BCAR3: variants seen among roughly 807,000 people sequenced by gnomAD.
BCAR3 encodes BCAR3 adaptor protein, NSP family member, also known as breast cancer anti-estrogen resistance protein 3.
Under a neutral mutation model 80.1 loss-of-function variants are expected in BCAR3, and 37 were observed. The observed-to-expected ratio is 0.46, with a 90% CI of 0.36 to 0.61. BCAR3 has a LOEUF of 0.61. Ranked by LOEUF, BCAR3 falls within the 20% of genes least tolerant of loss-of-function variation. The pLI, the probability that BCAR3 is intolerant of heterozygous loss-of-function variation, is 0.00. For missense variants in BCAR3, 978 were observed against 1,068.2 expected, an observed-to-expected ratio of 0.92 and a Z score of 1.18; for synonymous variants, 389 against 418.9, an observed-to-expected ratio of 0.93 and a Z score of 0.87.
chr1:93,604,957 T>C (rs1674732350), intron 3 of BCAR3, among the ~76,000 whole-genome samples: 1 of 152,202 alleles, frequency 6.6e-6, no homozygotes, highest in Admixed American at 6.5e-5. Context: ...TACCCCTTGA[T>C]AAACATCATT....
chr1:93,820,816 G>C (rs1471030047), intron 2 of BCAR3, among the ~76,000 whole-genome samples: 1 of 152,054 alleles, frequency 6.6e-6, no homozygotes, highest in African/African-American at 2.4e-5. Flanking sequence ...CCCTCTAATC[G>C]TAAGCTTGAT....
intron 3 of BCAR3, among the ~76,000 whole-genome samples, chr1:93,618,154 ATTGAT>A (rs1675196110): frequency 6.6e-6 from 1 of 152,228 alleles, no homozygotes; most frequent in Non-Finnish European, 1.5e-5. Flanking sequence ...TGCAAATCTG[ATTGAT>A]TTCTTGCTCC....
chr1:93,711,452 A>G (rs1161828856), intron 2 of BCAR3, among the ~76,000 whole-genome samples: 1 of 152,192 alleles, frequency 6.6e-6, no homozygotes. Context: ...GAGTTTCAAG[A>G]ATGAGAATGG....
chr1:93,847,898 CG>C, upstream of BCAR3: 1 of 211,216 alleles, frequency 4.7e-6, no homozygotes, highest in South Asian at 5.9e-5. Context: ...CTGAGAAGAG[CG>C]GCGGCGGCGG....
intron 2 of BCAR3, among the ~76,000 whole-genome samples, chr1:93,719,331 C>CTTGTTTTTTT (rs1650301603): frequency 1.4e-5 from 1 of 73,404 alleles, no homozygotes; most frequent in Non-Finnish European, 2.8e-5. Flanking sequence ...TTTAAACTTT[C>CTTGTTTTTTT]TTGTTTTTTT....
At chr1:93,628,668 C>T (rs1675519739) in intron 3 of BCAR3, among the ~76,000 whole-genome samples, 1 of 152,156 alleles carries the variant, frequency 6.6e-6, no homozygotes, top group African/African-American at 2.4e-5. Flanking sequence ...ATTTAATGTC[C>T]CCTTACTCCA....
At chr1:93,743,503 T>C (rs527505300) in intron 2 of BCAR3, among the ~76,000 whole-genome samples, 5 of 152,296 alleles carry the variant, frequency 3.3e-5, no homozygotes, top group African/African-American at 7.2e-5. Context: ...ATTGGGAGGT[T>C]CATAAAAAAT....
Position 93,786,149 on chromosome 1 carries a change from C to T in BCAR3, c.-63+59418G>A, listed in dbSNP as rs530459157. On this transcript the variant is annotated intron_variant, in intron 2 of 13. Coordinates refer to the BCAR3 transcript ENST00000370244. ...CGGAGCTTGCAGTGAGCCGAGATCG[C>T]GCCACTGCACTCCCGCCTGGGCGTC... Among the ~76,000 whole-genome samples the T allele has an allele frequency of 1.1e-3, 114 of 107,656 alleles. 12 individuals are homozygous for T. The highest frequency in any genetic ancestry group is 4.9e-3 in the Middle Eastern group (1 of 204). 70.6% of individuals were successfully genotyped at this position (107,656 alleles called of 152,430 possible). A position where few individuals can be genotyped will look rare whatever the true frequency, so the allele number is the denominator to read the frequency against.
intron 2 of BCAR3, among the ~76,000 whole-genome samples, chr1:93,774,310 C>A (rs1208417407): frequency 6.6e-6 from 1 of 151,966 alleles, no homozygotes; most frequent in Non-Finnish European, 1.5e-5. Flanking sequence ...ATGGTGAAAC[C>A]TTGCCTCTGC....
chr1:93,594,034 T>C (rs1055005132), intron 3 of BCAR3, among the ~76,000 whole-genome samples: 5 of 152,216 alleles, frequency 3.3e-5, no homozygotes, highest in Non-Finnish European at 7.3e-5. Flanking sequence ...ATCATTAATA[T>C]TGTACGGCTT....
In BCAR3 at chr1:93,592,161, G is replaced by A; in HGVS notation, c.486+104C>T. 6.7e-7 allele frequency: 1 copy of A among 1,496,720 alleles called. No homozygotes were observed. Among genetic ancestry groups the A allele is most frequent in the South Asian group, 1.2e-5 (1 of 82,142 alleles). 92.7% of individuals were successfully genotyped at this position (1,496,720 alleles called of 1,614,324 possible). A position where few individuals can be genotyped will look rare whatever the true frequency, so the allele number is the denominator to read the frequency against. ...TAGAGTATTTGTTTTTGGTTACACA[G>A]GTGCTTCCGCCCATGTGGCCTCGGA... is the stretch of plus-strand genomic sequence containing the variant. On this transcript the variant is annotated intron_variant, in intron 4 of 11. Transcript: ENST00000260502. This position sits in a 1 kb window ranked among gnomAD's most constrained non-coding sequence, Gnocchi z 4.8.
chr1:93,637,688 C>T (rs993510781), intron 3 of BCAR3, among the ~76,000 whole-genome samples: 1 of 152,160 alleles, frequency 6.6e-6, no homozygotes, highest in African/African-American at 2.4e-5. Flanking sequence ...TATGATCCAT[C>T]ATGACCTTGG....
At chr1:93,566,401 T>C (rs986738228) in intron 11 of BCAR3, among the ~76,000 whole-genome samples, 1 of 152,206 alleles carries the variant, frequency 6.6e-6, no homozygotes, top group Non-Finnish European at 1.5e-5. Context: ...TCCCACAGTA[T>C]ACACTGCATT....
chr1:93,822,229 G>A (rs996082841), intron 2 of BCAR3, among the ~76,000 whole-genome samples: 10 of 150,958 alleles, frequency 6.6e-5, no homozygotes, highest in Non-Finnish European at 1.2e-4. Context: ...CCAGGATGGA[G>A]TGCAGTGGTG....
intron 2 of BCAR3, among the ~76,000 whole-genome samples, chr1:93,727,938 G>C (rs974157307): frequency 1.2e-4 from 19 of 152,186 alleles, no homozygotes; most frequent in African/African-American, 4.3e-4. Context: ...CCTTAGAAGA[G>C]ACAGGGCAAG....
intron 2 of BCAR3, among the ~76,000 whole-genome samples, chr1:93,813,265 C>T (rs565387662): frequency 6.6e-6 from 1 of 152,242 alleles, no homozygotes; most frequent in South Asian, 2.1e-4. Flanking sequence ...AATCTATTAT[C>T]AGGTAAGCTT....
At chr1:93,821,943 T>C (rs1654236647) in intron 2 of BCAR3, among the ~76,000 whole-genome samples, 1 of 152,212 alleles carries the variant, frequency 6.6e-6, no homozygotes, top group Non-Finnish European at 1.5e-5. Context: ...ATTTAACCAC[T>C]GTACCAGTCT....
intron 3 of BCAR3, among the ~76,000 whole-genome samples, chr1:93,691,564 G>A (rs1453689637): frequency 6.6e-6 from 1 of 152,182 alleles, no homozygotes; most frequent in Non-Finnish European, 1.5e-5. Flanking sequence ...AGTGGGTGGT[G>A]GGAGGGGCCA....
At chr1:93,661,109 C>T (rs236283) in intron 2 of BCAR3, among the ~76,000 whole-genome samples, 8 of 149,358 alleles carry the variant, frequency 5.4e-5, no homozygotes, top group African/African-American at 1.5e-4. Flanking sequence ...GCATGATCTC[C>T]GCTCACCACA....
Sources: allele counts gnomAD v4.1 joint callset (sites outside exome capture counted in the v4.1 genomes callset), GRCh38; gene constraint gnomAD v4.1.1; non-coding constraint Gnocchi (gnomAD v3.1); transcripts MANE v1.5; gene names NCBI Gene and HGNC (gene_info 2026-07-23, HGNC 2026-07-21).